Variants in PIK3AP1 observed in about 807,000 individuals in gnomAD.
PIK3AP1 encodes phosphoinositide-3-kinase adaptor protein 1.
Under a neutral mutation model 88.1 loss-of-function variants are expected in PIK3AP1, and 21 were observed. The ratio of observed to expected loss-of-function variants is 0.24; its 90% CI spans 0.17 to 0.34. The LOEUF is 0.34. PIK3AP1 is among the 10% of genes least tolerant of loss of function. The pLI, the probability that PIK3AP1 is intolerant of heterozygous loss-of-function variation, is 1.00. For missense variants in PIK3AP1, 828 were observed against 1,035.7 expected (o/e 0.80, Z 2.75); for synonymous variants, 398 against 400.0 (o/e 1.00, Z 0.06).
At chr10:96,709,126 C>T (rs1036758629) in intron 2 of PIK3AP1, among the ~76,000 whole-genome samples, 5 of 114,032 alleles carry the variant, frequency 4.4e-5, no homozygotes, top group Admixed American at 1.0e-4. Flanking sequence ...AGGGAGACTC[C>T]GACTCAAAAA....
chr10:96,616,611 C>G (rs1239660684), intron 13 of PIK3AP1, 28 bp downstream of exon 13: 21 of 1,610,646 alleles, frequency 1.3e-5, no homozygotes, highest in Non-Finnish European at 1.7e-5. Flanking sequence ...ATGTCCCACA[C>G]AATGCAGCAC....
intron 13 of PIK3AP1, among the ~76,000 whole-genome samples, chr10:96,613,037 C>T (rs1438316404): frequency 2.4e-5 from 3 of 125,900 alleles, no homozygotes; most frequent in South Asian, 2.5e-4. Context: ...CTCGCACTGT[C>T]GCCCACGCTG....
intron 13 of PIK3AP1, among the ~76,000 whole-genome samples, chr10:96,616,098 G>T (rs1194629284): frequency 6.6e-6 from 1 of 152,164 alleles, no homozygotes; most frequent in Non-Finnish European, 1.5e-5. Context: ...TGGCACAGGG[G>T]TAGGCTTAAG....
At chr10:96,633,066 CAA>C in intron 8 of PIK3AP1, 2 of 1,586,834 alleles carry the variant, frequency 1.3e-6, no homozygotes, top group Non-Finnish European at 1.7e-6. Context: ...TCATGTCCTA[CAA>C]GAGCAATTTC....
At chr10:96,628,565 C>A (rs1843184735) in intron 8 of PIK3AP1, 72 bp from the exon 9 acceptor site, 2 of 1,261,748 alleles carry the variant, frequency 1.6e-6, no homozygotes, top group Admixed American at 1.7e-5. Flanking sequence ...ACAGATGGAA[C>A]TATGAGGTTT....
intron 3 of PIK3AP1, among the ~76,000 whole-genome samples, chr10:96,655,873 T>C (rs1364774576): frequency 6.6e-6 from 1 of 152,222 alleles, no homozygotes; most frequent in East Asian, 1.9e-4. Flanking sequence ...TTTGTAAATT[T>C]CCCAGTCTCA....
In PIK3AP1 at chr10:96,710,126, T is replaced by A; in HGVS notation, c.14-143A>T. On this transcript the variant is annotated intron_variant, in intron 1 of 16. Transcript: ENST00000339364. ...TGTGCCTCCAGCACACCAGCACACC[T>A]CACTCACGCATTTCTTTCCCCATTT... The A allele has an allele frequency of 5.7e-6, 4 of 698,234 alleles. 1 individual carries two copies. In the South Asian group the frequency reaches 8.5e-5, roughly 15 times the overall value. The allele number at this position is 698,234 out of a possible 1,614,324, so 43.3% of individuals were successfully genotyped here.
In PIK3AP1 at chr10:96,602,218, A is replaced by G. The variant is rs1020425949; in HGVS notation, c.2360+62T>C. The G allele has an allele frequency of 3.0e-6, 4 of 1,334,210 alleles. No homozygotes were observed. In the African/African-American group the frequency reaches 5.9e-5, roughly 20 times the overall value. The allele number at this position is 1,334,210 out of a possible 1,614,324, so 82.6% of individuals were successfully genotyped here. A position where few individuals can be genotyped will look rare whatever the true frequency, so the allele number is the denominator to read the frequency against. ...TCTTTAGTCATCTTAGGTGTTTCCA[A>G]GTCCTATTCTCCCCTAGGATTCAGA... On this transcript the variant is annotated intron_variant, in intron 16 of 16. Transcript: ENST00000339364.
intron 8 of PIK3AP1, among the ~76,000 whole-genome samples, chr10:96,639,509 G>A (rs1843356919): frequency 6.6e-6 from 1 of 152,076 alleles, no homozygotes; most frequent in Non-Finnish European, 1.5e-5. Context: ...CTGTCGATGG[G>A]GATTTTATCT....
intron 11 of PIK3AP1, among the ~76,000 whole-genome samples, chr10:96,621,886 G>A (rs1054909618): frequency 3.3e-5 from 5 of 152,198 alleles, no homozygotes; most frequent in Admixed American, 2.6e-4. Context: ...AATGCTAGCA[G>A]CACCCCCTTC....
At chr10:96,679,055 T>G (rs1313860232) in intron 2 of PIK3AP1, among the ~76,000 whole-genome samples, 1 of 152,224 alleles carries the variant, frequency 6.6e-6, no homozygotes, top group Non-Finnish European at 1.5e-5. Flanking sequence ...TCACAGACAG[T>G]CACACTTTAG....
At chr10:96,697,853 T>C (rs1049365313) in intron 2 of PIK3AP1, among the ~76,000 whole-genome samples, 1 of 152,266 alleles carries the variant, frequency 6.6e-6, no homozygotes, top group Non-Finnish European at 1.5e-5. Flanking sequence ...GTTTTTTGTA[T>C]ATCCTTTCAG....
rs141696617 is a variant in PIK3AP1, at chr10:96,611,919, G to A, written c.2015-2052C>T. On this transcript the variant is annotated intron_variant, in intron 13 of 16. Coordinates refer to ENST00000339364, the MANE Select transcript of PIK3AP1 (RefSeq NM_152309.3). ...TCAAAAAATCAGGTAGAACCAGTCC[G>A]AATGTTTATAAAATCCTGATATTCT... 2.6e-3 allele frequency among the ~76,000 whole-genome samples: 389 copies of A among 152,250 alleles called. 2 individuals are homozygous for A. The highest frequency in any genetic ancestry group is 8.0e-3 in the African/African-American group (334 of 41,542).
chr10:96,626,207 A>G (rs1224274595), intron 10 of PIK3AP1, among the ~76,000 whole-genome samples: 1 of 152,226 alleles, frequency 6.6e-6, no homozygotes, highest in South Asian at 2.1e-4. Context: ...AGCCTAGCAT[A>G]ATGGCTAAAA....
chr10:96,682,497 C>T (rs1368426996), intron 2 of PIK3AP1, among the ~76,000 whole-genome samples: 3 of 152,158 alleles, frequency 2.0e-5, no homozygotes, highest in Non-Finnish European at 2.9e-5. Context: ...TCCCGTCTTC[C>T]GTTTCCTCAA....
chr10:96,675,256 T>C (rs1224385666), intron 2 of PIK3AP1, among the ~76,000 whole-genome samples: 2 of 152,006 alleles, frequency 1.3e-5, no homozygotes, highest in East Asian at 1.9e-4. Context: ...TGGGAAAACC[T>C]TGTAGCTGTC....
chr10:96,649,282 G>A (rs929066013), intron 6 of PIK3AP1, among the ~76,000 whole-genome samples: 2 of 152,148 alleles, frequency 1.3e-5, no homozygotes, highest in Non-Finnish European at 2.9e-5. Flanking sequence ...GACCTCAAGT[G>A]ATCCACCTGC....
chr10:96,652,729 C>T lies in PIK3AP1; in HGVS notation c.681G>A (p.Glu227=). The stretch of plus-strand genomic sequence containing the variant: ...CCTTCACTGAAATGGTGTACTCATT[C>T]TCCACCTTGGCTTCCATCCTTACAG... ...SPSVRMEAKV[E]NEYTISVKAP... The change falls in exon 4 of 17, where the codon GAG becomes GAA. Residue 227 remains glutamate (E), a synonymous_variant. Coordinates refer to ENST00000339364, the MANE Select transcript of PIK3AP1 (RefSeq NM_152309.3). 8 of 1,614,178 alleles carry T rather than the reference C, an allele frequency of 5.0e-6. No homozygotes were observed. Among genetic ancestry groups the T allele is most frequent in the Non-Finnish European group, 6.8e-6 (8 of 1,180,008 alleles).
At chr10:96,694,557 A>G (rs1286721281) in intron 2 of PIK3AP1, among the ~76,000 whole-genome samples, 1 of 100,700 alleles carries the variant, frequency 9.9e-6, no homozygotes. Flanking sequence ...TTTTTTTTTC[A>G]GGGTCTCCCT....
Sources: gnomAD v4.1 joint callset for allele counts (sites outside exome capture counted in the v4.1 genomes callset) on GRCh38, gnomAD v4.1.1 for gene constraint, MANE v1.5 for transcripts, NCBI Gene and HGNC (gene_info 2026-07-23, HGNC 2026-07-21) for gene names.